The following GPR19 variants were observed in gnomAD, a reference collection of about 807,000 sequenced individuals.
GPR19 encodes the protein G protein-coupled receptor 19, also known as probable G protein-coupled receptor 19.
GPR19 carries 14 observed loss-of-function variants against 28.5 expected under a neutral mutation model. The ratio of observed to expected loss-of-function variants is 0.49; its 90% CI spans 0.32 to 0.77. GPR19 has a LOEUF of 0.77. Ranked by LOEUF, GPR19 falls within the 30% of genes least tolerant of loss-of-function variation. The pLI, the probability that GPR19 is intolerant of heterozygous loss-of-function variation, is 0.03. For missense variants in GPR19, 409 were observed against 504.1 expected (o/e 0.81, Z 1.81); for synonymous variants, 173 against 184.1 (o/e 0.94, Z 0.49).
chr12:12,679,428 CAA>C (rs3080711), intron 3 of GPR19, among the ~76,000 whole-genome samples: 71,473 of 123,588 alleles, frequency 0.58, 19,247 homozygotes, highest in Non-Finnish European at 0.61. Flanking sequence ...CTGTCTCTAT[CAA>C]AAAAAAAAAA....
chr12:12,707,879 G>A, the GPR19 span, among the ~76,000 whole-genome samples: 304 of 151,086 alleles, frequency 2.0e-3, no homozygotes, highest in African/African-American at 7.2e-3. Flanking sequence ...TCACTGCGCC[G>A]AGCCCAAATT....
rs575531169 is a variant in GPR19, at chr12:12,684,466, C to G, written c.-138G>C. The G allele has an allele frequency of 1.3e-5, 2 of 152,456 alleles. No homozygotes were observed. Among genetic ancestry groups the G allele is most frequent in the Admixed American group, 1.3e-4 (2 of 15,298 alleles). The allele number at this position is 152,456 out of a possible 1,614,324, so 9.4% of individuals were successfully genotyped here. On this transcript the variant is annotated 5_prime_UTR_variant, in exon 3 of 4. The change abolishes an upstream ATG in the 5' untranslated region. Coordinates refer to ENST00000651487, the MANE Select transcript of GPR19 (RefSeq NM_006143.3). ...CACCAGGAAAGCCTGGAAACACATTCATTTCTGTCCTCTGCCTTCCCCTTG... is the reference window on the plus strand; with the variant it reads ...CACCAGGAAAGCCTGGAAACACATTGATTTCTGTCCTCTGCCTTCCCCTTG...
chr12:12,696,332 A>T (rs1386887886), upstream of GPR19: 1 of 84,172 alleles, frequency 1.2e-5, no homozygotes, highest in Non-Finnish European at 2.3e-5. Flanking sequence ...TTGAGATCCC[A>T]CCCGCCCTTT....
the GPR19 span, among the ~76,000 whole-genome samples, chr12:12,715,282 T>C: frequency 6.6e-6 from 1 of 152,196 alleles, no homozygotes; most frequent in African/African-American, 2.4e-5. Context: ...ACCCTAATTT[T>C]CCTGTTCCTT....
At chr12:12,710,981 T>C in the GPR19 span, among the ~76,000 whole-genome samples, 3 of 152,276 alleles carry the variant, frequency 2.0e-5, no homozygotes, top group Non-Finnish European at 4.4e-5. Flanking sequence ...AACTGTTCCA[T>C]ATGCATTAGT....
At chr12:12,669,938 C>T (rs188430055) in intron 3 of GPR19, among the ~76,000 whole-genome samples, 84 of 152,224 alleles carry the variant, frequency 5.5e-4, no homozygotes, top group Admixed American at 4.8e-3. Flanking sequence ...GCTATGTTGT[C>T]CAGGCTGGTC....
intron 3 of GPR19, among the ~76,000 whole-genome samples, chr12:12,664,627 A>G (rs1219916933): frequency 6.6e-6 from 1 of 152,146 alleles, no homozygotes; most frequent in African/African-American, 2.4e-5. Context: ...CACTTTCCAT[A>G]TAAGAAATCA....
At chr12:12,714,945 G>C in the GPR19 span, 1 of 152,148 alleles carries the variant, frequency 6.6e-6, no homozygotes, top group Non-Finnish European at 1.5e-5. Context: ...TGGTGTGACT[G>C]TGACTTGCTT....
the GPR19 span, among the ~76,000 whole-genome samples, chr12:12,716,136 CG>C: frequency 6.6e-6 from 1 of 152,148 alleles, no homozygotes; most frequent in African/African-American, 2.4e-5. Flanking sequence ...CCTTCCACCA[CG>C]GTGCTCAAGC....
chr12:12,664,758 A>C (rs1049501637), intron 3 of GPR19, among the ~76,000 whole-genome samples: 6 of 151,886 alleles, frequency 4.0e-5, no homozygotes, highest in Non-Finnish European at 5.9e-5. Context: ...GTCTCTACTA[A>C]AAATACAAAA....
intron 3 of GPR19, among the ~76,000 whole-genome samples, chr12:12,675,175 G>A (rs538313992): frequency 1.3e-4 from 20 of 152,332 alleles, no homozygotes; most frequent in Admixed American, 1.2e-3. Flanking sequence ...TGTCCTGGAA[G>A]CAATTCAGAG....
At chr12:12,702,774 T>C in the GPR19 span, among the ~76,000 whole-genome samples, 3 of 152,212 alleles carry the variant, frequency 2.0e-5, no homozygotes, top group African/African-American at 4.8e-5. Context: ...AATGAACTTA[T>C]TAATCCTGGC....
At chr12:12,713,879 T>C in the GPR19 span, among the ~76,000 whole-genome samples, 25 of 152,196 alleles carry the variant, frequency 1.6e-4, no homozygotes, top group African/African-American at 6.0e-4. Context: ...CTTATTCACA[T>C]TGTGATCCTT....
At chr12:12,662,883 C>T (rs1020365889) in intron 3 of GPR19, among the ~76,000 whole-genome samples, 6 of 152,184 alleles carry the variant, frequency 3.9e-5, no homozygotes, top group African/African-American at 1.2e-4. Context: ...TCCTAATTGT[C>T]CTAAGGTTGC....
chr12:12,706,371 T>A, the GPR19 span, among the ~76,000 whole-genome samples: 12 of 152,324 alleles, frequency 7.9e-5, no homozygotes, highest in Admixed American at 5.2e-4. Flanking sequence ...ATCTAGATAC[T>A]TCTCATCTTG....
chr12:12,704,684 A>G, the GPR19 span, among the ~76,000 whole-genome samples: 1 of 152,232 alleles, frequency 6.6e-6, no homozygotes, highest in Non-Finnish European at 1.5e-5. Context: ...GATTATAAAT[A>G]CAGTTGTGGT....
At chr12:12,716,107 T>G in the GPR19 span, among the ~76,000 whole-genome samples, 1 of 152,212 alleles carries the variant, frequency 6.6e-6, no homozygotes, top group Non-Finnish European at 1.5e-5. Flanking sequence ...AGGGCAGCCC[T>G]GCTCATCGTC....
chr12:12,667,615 C>T (rs1009615747), intron 3 of GPR19, among the ~76,000 whole-genome samples: 7 of 151,366 alleles, frequency 4.6e-5, no homozygotes, highest in Non-Finnish European at 7.4e-5. Flanking sequence ...CGCTTGAACC[C>T]GGGAGGCAGA....
At chr12:12,713,151 G>A in the GPR19 span, among the ~76,000 whole-genome samples, 4 of 141,276 alleles carry the variant, frequency 2.8e-5, no homozygotes, top group African/African-American at 1.1e-4. Context: ...TATAACCTCC[G>A]CCTCCCAGGT....
Sources: gnomAD v4.1 joint callset for allele counts (sites outside exome capture counted in the v4.1 genomes callset) on GRCh38, gnomAD v4.1.1 for gene constraint, MANE v1.5 for transcripts, NCBI Gene and HGNC (gene_info 2026-07-23, HGNC 2026-07-21) for gene names.